Variants in KIF21B observed in about 807,000 individuals in gnomAD.
The protein encoded by KIF21B is kinesin family member 21B.
Under a neutral mutation model 192.9 loss-of-function variants are expected in KIF21B, and 85 were observed. The observed-to-expected ratio is 0.44, with a 90% confidence interval of 0.37 to 0.53. The LOEUF (loss-of-function observed/expected upper bound fraction) is 0.53. Among genes scored for constraint, KIF21B ranks in the 20% least tolerant of loss-of-function variants. The probability of loss-of-function intolerance (pLI) is 0.00; values close to 1 mark genes in which losing one functional copy is unlikely to be tolerated. For missense variants in KIF21B, 1,716 were observed against 2,194.8 expected (o/e 0.78, Z 4.36); for synonymous variants, 832 against 884.6 (o/e 0.94, Z 1.05).
At chr1:201,014,220 A>C (rs1455532172) in intron 1 of KIF21B, among the ~76,000 whole-genome samples, 1 of 152,200 alleles carries the variant, frequency 6.6e-6, no homozygotes, top group East Asian at 1.9e-4. Context: ...CCACCCCCGG[A>C]GAAACGCGCA....
intron 3 of KIF21B, 37 bp from the exon 4 acceptor site, chr1:201,005,731 T>A: frequency 6.2e-7 from 1 of 1,604,260 alleles, no homozygotes. Context: ...CATAGGGCAT[T>A]CACTGGGGCC....
Position 200,974,788 on chromosome 1 carries a change from G to A in KIF21B, c.4740C>T (p.Ile1580=), listed in dbSNP as rs1404954132. 11 of 1,614,106 alleles carry A rather than the reference G, an allele frequency of 6.8e-6. No homozygotes were observed. The highest frequency in any genetic ancestry group is 4.4e-5 in the South Asian group (4 of 91,096). Reference sequence around the variant, plus strand: ...GACTGTCGTGGCCCTTGATCTCACCGATGGGTGTGAAGTTGTCCACGTTCC... The same window carrying A: ...GACTGTCGTGGCCCTTGATCTCACCAATGGGTGTGAAGTTGTCCACGTTCC... ...KVWNVDNFTP[I]GEIKGHDSPI... is the part of the protein sequence containing the mutation. The change falls in exon 34 of 35, where the codon ATC becomes ATT. Residue 1580 remains isoleucine, a synonymous_variant. Transcript: ENST00000461742.
rs1296155837 is a variant in KIF21B, at chr1:201,002,370, G to A, written c.1213-20C>T. ...CTTGCCCTGGGAGCAGGGGCAAAGGGGAGCAGTCAGGCAGCAGAGCTCGCG... is the reference window on the plus strand; with the variant it reads ...CTTGCCCTGGGAGCAGGGGCAAAGGAGAGCAGTCAGGCAGCAGAGCTCGCG... On this transcript the variant is annotated intron_variant, in intron 8 of 34. Coordinates refer to ENST00000461742, the MANE Select transcript of KIF21B (RefSeq NM_001252102.2). 1.2e-6 allele frequency: 2 copies of A among 1,604,348 alleles called. No individual in the cohort carries two copies. Among genetic ancestry groups the A allele is most frequent in the African/African-American group, 1.3e-5 (1 of 74,852 alleles).
chr1:200,974,562 C>G, intron 34 of KIF21B, 152 bp downstream of exon 34: 2 of 780,390 alleles, frequency 2.6e-6, no homozygotes, highest in Non-Finnish European at 4.2e-6. Flanking sequence ...AAGGCTGGCA[C>G]AGGCTAGGTA....
intron 3 of KIF21B, among the ~76,000 whole-genome samples, chr1:201,006,921 G>GAC (rs1419702518): frequency 9.5e-6 from 1 of 104,852 alleles, no homozygotes; most frequent in Non-Finnish European, 2.0e-5. Context: ...GACACACACA[G>GAC]ACACACACAC....
At position 200,996,294 on chromosome 1, in the gene KIF21B, C is replaced by T. The variant is rs1657063202; in HGVS notation, c.2179G>A (p.Ala727Thr). Residue 727 changes from alanine (A) to threonine (T), a missense_variant, in exon 15 of 35, where the codon GCC becomes ACC. Transcript: ENST00000461742. ...AGCAGCCGGGCGTGCTCTTTCTGGG[C>T]GGCCTGCAGCTTCTGCAGGTCCCGG... ...MNRDLQKLQAAQKEHARLLKN... is the reference protein window; with the variant it reads ...MNRDLQKLQATQKEHARLLKN... 6 of 1,614,124 alleles carry T rather than the reference C, an allele frequency of 3.7e-6. No individual in the cohort carries two copies. Among genetic ancestry groups the T allele is most frequent in the Non-Finnish European group, 4.2e-6 (5 of 1,180,018 alleles).
Position 200,982,932 on chromosome 1 carries a change from G to C in KIF21B, c.3842+124C>G, listed in dbSNP as rs911280661. On this transcript the variant is annotated intron_variant, in intron 28 of 34. Coordinates refer to ENST00000461742, the MANE Select transcript of KIF21B (RefSeq NM_001252102.2). The surrounding 1 kb of genome is among the most constrained non-coding windows in gnomAD (Gnocchi z 4.7). The stretch of plus-strand genomic sequence containing the variant: ...TCTGGAGAGGGGGGCAGCAGGAAGG[G>C]GAGTGGAGGGGCCGCATGCTGAGGA... The C allele has an allele frequency of 4.9e-6, 4 of 822,210 alleles. No homozygotes were observed. In the African/African-American group the frequency reaches 6.7e-5, roughly 14 times the overall value. The allele number at this position is 822,210 out of a possible 1,614,324, so 50.9% of individuals were successfully genotyped here. A position where few individuals can be genotyped will look rare whatever the true frequency, so the allele number is the denominator to read the frequency against.
intron 27 of KIF21B, among the ~76,000 whole-genome samples, chr1:200,983,308 C>G (rs1176131648): frequency 4.6e-5 from 7 of 152,004 alleles, no homozygotes; most frequent in Non-Finnish European, 7.4e-5. Flanking sequence ...AGTGGGCTGC[C>G]AGGGTCTCTC....
Position 201,004,393 on chromosome 1 carries a change from G to C in KIF21B, c.963C>G (p.Pro321=). The C allele has an allele frequency of 6.3e-7, 1 of 1,582,064 alleles. No homozygotes were observed. Among genetic ancestry groups the C allele is most frequent in the Middle Eastern group, 1.7e-4 (1 of 6,028 alleles). The change falls in exon 7 of 35, where the codon CCC becomes CCG. Residue 321 remains proline (P), a synonymous_variant. Transcript: ENST00000461742. ...GDQSKKVVHV[P]YRDSKLTRLL... is the part of the protein sequence containing the mutation. The stretch of plus-strand genomic sequence containing the variant: ...GCCGAGTGAGCTTGGAGTCCCTGTA[G>C]GGAACGTGCACCACCTTCTTGCTCT...
At chr1:201,010,655 C>T (rs1276150397) in intron 1 of KIF21B, among the ~76,000 whole-genome samples, 1 of 152,182 alleles carries the variant, frequency 6.6e-6, no homozygotes. Context: ...CAGGCCTCCT[C>T]TCCCTAAGCC....
chr1:200,981,481 G>A lies in KIF21B; in HGVS notation c.3843-385C>T, dbSNP rs557579479. Among the ~76,000 whole-genome samples, 3 of 140,252 alleles carry A rather than the reference G, an allele frequency of 2.1e-5. No individual in the cohort carries two copies. The South Asian group carries it at 7.2e-4, about 34-fold the overall frequency. The allele number at this position is 140,252 out of a possible 152,430, so 92.0% of individuals were successfully genotyped here. On this transcript the variant is annotated intron_variant, in intron 28 of 34. Transcript: ENST00000461742. ...TGGGCAGGGCAGAGGCCCAGGGGCTGGAACTGGGCCCTGTAGCTTCCACCA... is the reference window on the plus strand; with the variant it reads ...TGGGCAGGGCAGAGGCCCAGGGGCTAGAACTGGGCCCTGTAGCTTCCACCA...
At position 201,005,686 on chromosome 1, in the gene KIF21B, G is replaced by A. The variant is rs57838980; in HGVS notation, c.456C>T (p.Asn152=). The change falls in exon 4 of 35, where the codon AAC becomes AAT. Residue 152 remains asparagine (N), a synonymous_variant. Transcript: ENST00000461742. ...KVSAQFLELY[N]EEILDLFDST... The stretch of plus-strand genomic sequence containing the variant: ...TGTCAAACAGGTCAAGGATCTCCTC[G>A]TTGTAGAGCTGTGCAGGAAGGAAAC... The A allele has an allele frequency of 1.8e-5, 29 of 1,613,862 alleles. No homozygotes were observed. Among genetic ancestry groups the A allele is most frequent in the Middle Eastern group, 1.6e-4 (1 of 6,084 alleles).
chr1:200,991,956 G>A (rs978301919), intron 16 of KIF21B, among the ~76,000 whole-genome samples: 1 of 152,266 alleles, frequency 6.6e-6, no homozygotes, highest in African/African-American at 2.4e-5. Context: ...CCTCCAGTGA[G>A]GAGGAATCCT....
At chr1:200,989,855 C>A (rs545021846) in intron 21 of KIF21B, 87 bp downstream of exon 21, 3 of 1,050,782 alleles carry the variant, frequency 2.9e-6, no homozygotes, top group African/African-American at 3.1e-5. Flanking sequence ...GGTGAGGAGG[C>A]GCCAGGCCCC....
intron 15 of KIF21B, among the ~76,000 whole-genome samples, chr1:200,993,774 A>G (rs1656865736): frequency 6.6e-6 from 1 of 150,994 alleles, no homozygotes. Flanking sequence ...ACAAAAAAAA[A>G]AAAAAAGAGA....
chr1:200,973,674 A>G, intron 34 of KIF21B, 96 bp from the exon 35 acceptor site: 3 of 1,505,628 alleles, frequency 2.0e-6, no homozygotes, highest in Non-Finnish European at 1.8e-6. Flanking sequence ...GATTCCCCAA[A>G]CTCCCCAAAT....
chr1:201,014,578 T>C (rs913894419), intron 1 of KIF21B, among the ~76,000 whole-genome samples: 2 of 152,200 alleles, frequency 1.3e-5, no homozygotes, highest in African/African-American at 4.8e-5. Context: ...AGGATGGCCC[T>C]AGCCGGGCCT....
intron 26 of KIF21B, among the ~76,000 whole-genome samples, chr1:200,986,200 A>G (rs1431638142): frequency 6.6e-6 from 1 of 151,996 alleles, no homozygotes; most frequent in Non-Finnish European, 1.5e-5. Context: ...AGCTCCCCAG[A>G]ACCTATGGTC....
intron 14 of KIF21B, among the ~76,000 whole-genome samples, chr1:200,997,259 C>T (rs1180399159): frequency 6.6e-6 from 1 of 152,206 alleles, no homozygotes; most frequent in Non-Finnish European, 1.5e-5. Flanking sequence ...TCCGACCTGT[C>T]CCCTCTCACT....
Sources: allele counts gnomAD v4.1 joint callset (sites outside exome capture counted in the v4.1 genomes callset), GRCh38; gene constraint gnomAD v4.1.1; non-coding constraint Gnocchi (gnomAD v3.1); transcripts MANE v1.5; gene names NCBI Gene and HGNC (gene_info 2026-07-23, HGNC 2026-07-21).